KNL1: variants seen among roughly 807,000 people sequenced by gnomAD.
KNL1 encodes the protein outer kinetochore KNL1 complex subunit KNL1.
A neutral mutation model predicts 201.3 loss-of-function variants in KNL1; 66 were observed. The observed-to-expected ratio is 0.33, with a 90% confidence interval of 0.27 to 0.40. The LOEUF is 0.40. Ranked by LOEUF, KNL1 falls within the 10% of genes least tolerant of loss-of-function variation. KNL1 has a pLI of 1.00. For missense variants in KNL1, 2,815 were observed against 2,690.5 expected (o/e 1.05, Z -1.02); for synonymous variants, 895 against 899.2 (o/e 1.00, Z 0.08).
intron 7 of KNL1, among the ~76,000 whole-genome samples, chr15:40,612,314 T>C (rs1892192705): frequency 6.6e-6 from 1 of 150,816 alleles, no homozygotes; most frequent in South Asian, 2.1e-4. Context: ...AGACTCCGTC[T>C]CAAAAAAACA....
intron 24 of KNL1, among the ~76,000 whole-genome samples, chr15:40,658,443 C>T (rs1893797943): frequency 1.4e-5 from 2 of 145,526 alleles, no homozygotes; most frequent in African/African-American, 2.5e-5. Context: ...GCAGGAGAAC[C>T]GCTTGAACTT....
chr15:40,621,196 T>A lies in KNL1; in HGVS notation c.932T>A (p.Ile311Asn), dbSNP rs1466930041. 1.1e-5 allele frequency: 17 copies of A among 1,612,266 alleles called. No individual in the cohort carries two copies. Among genetic ancestry groups the A allele is most frequent in the Non-Finnish European group, 1.4e-5 (17 of 1,178,908 alleles). The part of the protein sequence containing the change: ...TNSRESKGND[I>N]TIYGNDFMDL... ...TCACGGGAATCTAAAGGTAATGATA[T>A]TACAATTTATGGCAATGACTTTATG... Residue 311 changes from isoleucine to asparagine, a missense_variant, in exon 10 of 26, where the codon ATT (isoleucine) becomes AAT (asparagine). By Grantham distance (149) the Ile-to-Asn change is moderately radical. Transcript: ENST00000399668.
rs1892669801 is a variant in KNL1 at position 40,624,510 on chromosome 15, C to T, written c.4246C>T (p.Leu1416Phe). The T allele has an allele frequency of 6.2e-7, 1 of 1,613,644 alleles. No homozygotes were observed. Among genetic ancestry groups the T allele is most frequent in the Non-Finnish European group, 8.5e-7 (1 of 1,179,814 alleles). The change falls in exon 10 of 26, where the codon CTT becomes TTT. Residue 1416 changes from leucine to phenylalanine, a missense_variant. Transcript: ENST00000399668. ...YSQDLGEMTK[L>F]NSKRVSFKLP... Reference sequence around the variant, plus strand: ...TCAAGATCTGGGGGAGATGACTAAACTTAATTCAAAGCGAGTATCTTTTAA... The same window carrying T: ...TCAAGATCTGGGGGAGATGACTAAATTTAATTCAAAGCGAGTATCTTTTAA...
chr15:40,645,610 G>C (rs868240973), intron 15 of KNL1, 46 bp from the exon 16 acceptor site: 1 of 1,061,992 alleles, frequency 9.4e-7, no homozygotes, highest in Middle Eastern at 2.1e-4. Context: ...TACCTCTTCT[G>C]ACTCGTTTGT....
At position 40,652,196 on chromosome 15, in the gene KNL1, C is replaced by T. The variant is rs80275110; in HGVS notation, c.6415+91C>T. The T allele has an allele frequency of 2.0e-3, 1,465 of 747,040 alleles. 18 individuals carry two copies. In the African/African-American group the frequency reaches 0.023, roughly 12 times the overall value. 46.3% of individuals were successfully genotyped at this position (747,040 alleles called of 1,614,324 possible). A position where few individuals can be genotyped will look rare whatever the true frequency, so the allele number is the denominator to read the frequency against. On this transcript the variant is annotated intron_variant, in intron 21 of 25. Coordinates refer to ENST00000399668, the MANE Select transcript of KNL1 (RefSeq NM_144508.5). ...AATCTTTATTTTACTATACTGATAA[C>T]TATTGGCATGATGAGAGCACTGCTG...
intron 16 of KNL1, among the ~76,000 whole-genome samples, chr15:40,646,252 A>T (rs183512820): frequency 6.6e-6 from 1 of 152,316 alleles, no homozygotes; most frequent in African/African-American, 2.4e-5. Context: ...TTAAAGTCTA[A>T]GCATAAATGC....
rs534353232 is a variant in KNL1, at chr15:40,644,592, G to A, written c.5799-405G>A. On this transcript the variant is annotated intron_variant, in intron 14 of 25. Transcript: ENST00000399668. ...GGCCATATTTCAGACTATCACATGG[G>A]GAGAAACCTTGGACAATACCCCGCT... Among the ~76,000 whole-genome samples, 91 of 152,336 alleles carry A rather than the reference G, an allele frequency of 6.0e-4. 1 individual carries two copies. The highest frequency in any genetic ancestry group is 6.8e-3 in the Middle Eastern group (2 of 294).
At chr15:40,620,250 G>A (rs1458435907) in intron 9 of KNL1, among the ~76,000 whole-genome samples, 1 of 148,410 alleles carries the variant, frequency 6.7e-6, no homozygotes, top group East Asian at 2.0e-4. Flanking sequence ...GTCTTGCTCT[G>A]TTGCCCAGGC....
At chr15:40,634,820 G>T (rs1893009154) in intron 13 of KNL1, among the ~76,000 whole-genome samples, 1 of 152,184 alleles carries the variant, frequency 6.6e-6, no homozygotes, top group Non-Finnish European at 1.5e-5. Context: ...TTTAGGAATT[G>T]ATCCTTGACA....
chr15:40,650,646 C>T (rs1595945394), intron 19 of KNL1, 63 bp downstream of exon 19: 1 of 1,412,426 alleles, frequency 7.1e-7, no homozygotes, highest in East Asian at 2.5e-5. Context: ...AGATGACTTC[C>T]TGCCTCCAGA....
chr15:40,649,215 T>C (rs1439848842), intron 17 of KNL1, among the ~76,000 whole-genome samples: 4 of 152,074 alleles, frequency 2.6e-5, no homozygotes, highest in Non-Finnish European at 5.9e-5. Context: ...TCATATCTTC[T>C]ACAGTTGTTT....
intron 13 of KNL1, among the ~76,000 whole-genome samples, chr15:40,637,690 C>A (rs1408913698): frequency 6.6e-6 from 1 of 152,032 alleles, no homozygotes; most frequent in Non-Finnish European, 1.5e-5. Flanking sequence ...GGTAGTGATA[C>A]CTTTGCTTTA....
intron 13 of KNL1, among the ~76,000 whole-genome samples, chr15:40,630,698 G>A (rs1305970102): frequency 1.3e-5 from 2 of 152,196 alleles, no homozygotes; most frequent in African/African-American, 2.4e-5. Flanking sequence ...ATGATGATCT[G>A]TCAGTGCCTC....
rs1482734349 is a variant in KNL1, at chr15:40,625,595, C to G, written c.5331C>G (p.Ile1777Met). The G allele has an allele frequency of 6.2e-7, 1 of 1,608,708 alleles. No homozygotes were observed. The highest frequency in any genetic ancestry group is 8.5e-7 in the Non-Finnish European group (1 of 1,178,694). Residue 1777 changes from isoleucine to methionine, a missense_variant, in exon 10 of 26, where the codon ATC (isoleucine) becomes ATG (methionine). By Grantham distance (10) the Ile-to-Met change is conservative. This residue lies in a region of KNL1 where 2,464 missense variants were observed against 2,291.7 expected (regional missense o/e 1.08). Transcript: ENST00000399668. ...EEEDIHKEKK[I>M]RKNEIKFSDT... Reference sequence around the variant, plus strand: ...AAGATATTCATAAGGAGAAAAAAATCAGAAAAAATGAGATTAAGTTTAGTG... The same window carrying G: ...AAGATATTCATAAGGAGAAAAAAATGAGAAAAAATGAGATTAAGTTTAGTG...
intron 7 of KNL1, among the ~76,000 whole-genome samples, chr15:40,611,767 TATTAA>T (rs1892170276): frequency 6.6e-6 from 1 of 152,034 alleles, no homozygotes; most frequent in South Asian, 2.1e-4. Context: ...TTAGTTTTTT[TATTAA>T]ATTAATCTTT....
chr15:40,639,673 C>T (rs1200553409), intron 13 of KNL1, among the ~76,000 whole-genome samples: 1 of 151,724 alleles, frequency 6.6e-6, no homozygotes, highest in Non-Finnish European at 1.5e-5. Context: ...AATTGGCAGG[C>T]TGAGGTTGGG....
At position 40,622,442 on chromosome 15, in the gene KNL1, A is replaced by G. The variant is rs115764010; in HGVS notation, c.2178A>G (p.Leu726=). 3.9e-5 allele frequency: 63 copies of G among 1,613,956 alleles called. No individual in the cohort carries two copies. In the African/African-American group the frequency reaches 6.5e-4, roughly 17 times the overall value. The change falls in exon 10 of 26, where the codon CTA becomes CTG. Residue 726 remains leucine, a synonymous_variant. Transcript: ENST00000399668. The stretch of plus-strand genomic sequence containing the variant: ...GTAGTCATACAGTGAAATCTGTACT[A>G]GGCCAGAATTCTAAACTGGCTGAGC... ...AISSHTVKSV[L]GQNSKLAEPL...
chr15:40,622,391 T>G lies in KNL1; in HGVS notation c.2127T>G (p.Ser709=). 6.2e-7 allele frequency: 1 copy of G among 1,613,768 alleles called. No individual in the cohort carries two copies. The highest frequency in any genetic ancestry group is 1.7e-4 in the Middle Eastern group (1 of 6,060). The change falls in exon 10 of 26, where the codon TCT becomes TCG. Residue 709 remains serine (S), a synonymous_variant. Coordinates refer to ENST00000399668, the MANE Select transcript of KNL1 (RefSeq NM_144508.5). ...CATTATTTTCATCAGGACAGTTCTC[T>G]ATGAAAAATCATGATACTGCTATAA... ...TKPLFSSGQF[S]MKNHDTAISS...
chr15:40,650,574 A>C lies in KNL1; in HGVS notation c.6203A>C (p.Glu2068Ala), dbSNP rs538392943. The change falls in exon 19 of 26, where the codon GAG becomes GCG. Residue 2068 changes from glutamate to alanine, a missense_variant. Coordinates refer to ENST00000399668, the MANE Select transcript of KNL1 (RefSeq NM_144508.5). The part of the protein sequence containing the change: ...ELEQLKTEEE[E>A]LQRNLLELEV... ...GAACAGCTGAAAACTGAAGAAGAGG[A>C]GCTTCAAAGGTCAGCCTTCAATCCA... The C allele has an allele frequency of 3.8e-6, 6 of 1,559,322 alleles. No individual in the cohort carries two copies. The African/African-American group carries it at 4.2e-5, about 11-fold the overall frequency.
Sources: allele counts gnomAD v4.1 joint callset (sites outside exome capture counted in the v4.1 genomes callset), GRCh38; gene constraint gnomAD v4.1.1; regional missense constraint gnomAD v4.1.1; transcripts MANE v1.5; gene names NCBI Gene and HGNC (gene_info 2026-07-23, HGNC 2026-07-21).